The following GRIP1 variants were observed in gnomAD, a reference collection of about 807,000 sequenced individuals.
The protein encoded by GRIP1 is glutamate receptor interacting protein 1.
In GRIP1, 45 loss-of-function variants were observed where a neutral mutation model predicts 129.9. The ratio of observed to expected loss-of-function variants is 0.35; its 90% CI spans 0.27 to 0.44. The LOEUF (loss-of-function observed/expected upper bound fraction) is 0.44. Ranked by LOEUF, GRIP1 falls within the 20% of genes least tolerant of loss-of-function variation. The pLI is 1.00. For synonymous variants in GRIP1, 530 were observed against 520.8 expected (o/e 1.02, Z -0.24); for missense variants, 1,196 against 1,396.8 (o/e 0.86, Z 2.29).
At chr12:66,530,307 T>C (rs1296406307) in intron 4 of GRIP1, among the ~76,000 whole-genome samples, 1 of 152,224 alleles carries the variant, frequency 6.6e-6, no homozygotes, top group Non-Finnish European at 1.5e-5. Context: ...CAATAACTTC[T>C]GTATTTATTT....
intron 1 of GRIP1, among the ~76,000 whole-genome samples, chr12:66,717,831 G>C (rs1035794632): frequency 6.6e-6 from 1 of 152,124 alleles, no homozygotes; most frequent in African/African-American, 2.4e-5. Flanking sequence ...TGGTGTTCTA[G>C]AGGAAGTCTC....
chr12:66,996,216 C>T (rs1410666441), intron 1 of GRIP1, among the ~76,000 whole-genome samples: 1 of 152,004 alleles, frequency 6.6e-6, no homozygotes, highest in Non-Finnish European at 1.5e-5. Flanking sequence ...TGAAAATGTT[C>T]TAAAATTGAT....
chr12:66,657,867 T>C (rs2033257379), intron 1 of GRIP1, among the ~76,000 whole-genome samples: 1 of 152,238 alleles, frequency 6.6e-6, no homozygotes. Flanking sequence ...GGAGGGATTC[T>C]ATTTTAGGGG....
At chr12:66,652,036 G>A (rs1287559061) in intron 1 of GRIP1, among the ~76,000 whole-genome samples, 1 of 152,094 alleles carries the variant, frequency 6.6e-6, no homozygotes, top group African/African-American at 2.4e-5. Context: ...TGGAAGAGAA[G>A]TATTCTGCCT....
chr12:67,012,043 CA>C (rs1203256095), intron 1 of GRIP1, among the ~76,000 whole-genome samples: 2 of 152,176 alleles, frequency 1.3e-5, no homozygotes, highest in Non-Finnish European at 2.9e-5. Flanking sequence ...TTACCCTCAC[CA>C]CTCATGTCTG....
chr12:66,704,797 A>T (rs899240049), intron 1 of GRIP1, among the ~76,000 whole-genome samples: 11 of 152,054 alleles, frequency 7.2e-5, no homozygotes, highest in African/African-American at 2.7e-4. Context: ...AAATAAAAGC[A>T]CTTGTTGATC....
chr12:66,872,355 C>T (rs1256264676), intron 1 of GRIP1, among the ~76,000 whole-genome samples: 2 of 151,996 alleles, frequency 1.3e-5, no homozygotes, highest in African/African-American at 4.8e-5. Context: ...TCTCATCAGA[C>T]CAGTTCTAAT....
chr12:66,742,523 T>C (rs1816864147), intron 1 of GRIP1, among the ~76,000 whole-genome samples: 1 of 152,120 alleles, frequency 6.6e-6, no homozygotes, highest in Non-Finnish European at 1.5e-5. Context: ...CAGGATCATC[T>C]TGAAGAAAGG....
intron 1 of GRIP1, among the ~76,000 whole-genome samples, chr12:66,714,532 A>C (rs1159006093): frequency 6.6e-6 from 1 of 152,090 alleles, no homozygotes; most frequent in Non-Finnish European, 1.5e-5. Flanking sequence ...GTTTGTAATT[A>C]TACTAAATAG....
At position 66,528,135 on chromosome 12, in the gene GRIP1, T is replaced by TTTTTTTGTTTG. The variant is rs1555201175; in HGVS notation, c.502+1695_502+1696insCAAACAAAAAA. 2.3e-4 allele frequency among the ~76,000 whole-genome samples: 21 copies of TTTTTTTGTTTG among 90,598 alleles called. 1 individual carries two copies. The highest frequency in any genetic ancestry group is 3.9e-4 in the Non-Finnish European group (19 of 48,446). 59.4% of individuals were successfully genotyped at this position (90,598 alleles called of 152,430 possible). A position where few individuals can be genotyped will look rare whatever the true frequency, so the allele number is the denominator to read the frequency against. The stretch of plus-strand genomic sequence containing the variant: ...AGAATTATACTTTAGAATTAGTAGG[T>TTTTTTTGTTTG]TTTTTTTTTTTTTTTTTGAGATGGA... On this transcript the variant is annotated intron_variant, in intron 5 of 24. Coordinates refer to ENST00000359742, the MANE Select transcript of GRIP1 (RefSeq NM_001366722.1).
Position 66,599,609 on chromosome 12 carries a change from T to C in GRIP1, c.56-2682A>G, listed in dbSNP as rs147569827. ...GAAAATAGAAATGGAGAAAACACAC[T>C]GAATGAATCCGTGGCTGATGGCTCC... is the stretch of plus-strand genomic sequence containing the variant. On this transcript the variant is annotated intron_variant, in intron 1 of 24. Transcript: ENST00000359742. Among the ~76,000 whole-genome samples, 59 of 152,286 alleles carry C rather than the reference T, an allele frequency of 3.9e-4. No individual in the cohort carries two copies. In the East Asian group the frequency reaches 8.5e-3, roughly 22 times the overall value.
intron 23 of GRIP1, among the ~76,000 whole-genome samples, chr12:66,354,006 G>A (rs911693393): frequency 1.3e-5 from 2 of 152,122 alleles, no homozygotes; most frequent in African/African-American, 2.4e-5. Flanking sequence ...CACAGTGCTC[G>A]GCGTATCCTC....
intron 5 of GRIP1, among the ~76,000 whole-genome samples, chr12:66,529,186 C>T (rs751222498): frequency 6.6e-6 from 1 of 152,072 alleles, no homozygotes; most frequent in Non-Finnish European, 1.5e-5. Flanking sequence ...TTCTACACTG[C>T]TGGAGGGAAT....
chr12:66,794,021 A>G (rs762660631), intron 1 of GRIP1, among the ~76,000 whole-genome samples: 1 of 152,140 alleles, frequency 6.6e-6, no homozygotes, highest in Non-Finnish European at 1.5e-5. Flanking sequence ...GAAAAGAAAA[A>G]GGTAGGTCTA....
In GRIP1 at chr12:66,453,942, A is replaced by T. The variant is rs2058879527; in HGVS notation, c.1354+1467T>A. ...AATTTACTCTAGTGTCAGCTAAAAA[A>T]CACATGGGACTCCAGGAGTACTTTG... On this transcript the variant is annotated intron_variant, in intron 11 of 24. Coordinates refer to ENST00000359742, the MANE Select transcript of GRIP1 (RefSeq NM_001366722.1). Among the ~76,000 whole-genome samples the T allele has an allele frequency of 2.6e-5, 4 of 152,198 alleles. No individual in the cohort carries two copies. In the South Asian group the frequency reaches 6.2e-4, roughly 24 times the overall value.
intron 7 of GRIP1, among the ~76,000 whole-genome samples, chr12:66,507,386 CGA>C (rs2060560946): frequency 6.6e-6 from 1 of 151,226 alleles, no homozygotes; most frequent in South Asian, 2.1e-4. Flanking sequence ...TGCAGTGAGC[CGA>C]GATCGTGCCA....
intron 1 of GRIP1, among the ~76,000 whole-genome samples, chr12:66,968,782 T>C (rs1453624535): frequency 2.6e-5 from 2 of 77,884 alleles, no homozygotes; most frequent in African/African-American, 1.1e-4. Context: ...AGCAAAAGAT[T>C]TTACTTTACC....
intron 1 of GRIP1, among the ~76,000 whole-genome samples, chr12:66,965,947 C>T (rs7956192): frequency 0.54 from 81,429 of 151,950 alleles, 21,830 homozygotes; most frequent in East Asian, 0.58. Flanking sequence ...TGACACTTCA[C>T]ACTGTGATGA....
intron 13 of GRIP1, among the ~76,000 whole-genome samples, chr12:66,438,456 G>A (rs563665426): frequency 2.8e-4 from 42 of 151,900 alleles, no homozygotes; most frequent in African/African-American, 9.9e-4. Context: ...TTCCTCAGTA[G>A]AGCCAACTGC....
Sources: allele counts gnomAD v4.1 joint callset (sites outside exome capture counted in the v4.1 genomes callset), GRCh38; gene constraint gnomAD v4.1.1; transcripts MANE v1.5; gene names NCBI Gene and HGNC (gene_info 2026-07-23, HGNC 2026-07-21).